The following AHCYL2 variants were observed in gnomAD, a reference collection of about 807,000 sequenced individuals.
AHCYL2 encodes the protein adenosylhomocysteinase like 2.
In AHCYL2, 28 loss-of-function variants were observed where a neutral mutation model predicts 81.4. That is an observed-to-expected ratio of 0.34 (90% CI 0.25 to 0.47). The LOEUF (loss-of-function observed/expected upper bound fraction) is 0.47, where lower values mean the gene tolerates loss of function less well. Among genes scored for constraint, AHCYL2 ranks in the 20% least tolerant of loss-of-function variants. The probability of loss-of-function intolerance (pLI) is 1.00; values close to 1 mark genes in which losing one functional copy is unlikely to be tolerated. For missense variants in AHCYL2, 551 were observed against 785.1 expected, an observed-to-expected ratio of 0.70 and a Z score of 3.56; for synonymous variants, 272 against 290.2, an observed-to-expected ratio of 0.94 and a Z score of 0.64.
chr7:129,231,259 C>A lies in AHCYL2; in HGVS notation c.363+5820C>A, dbSNP rs143981506. ...GTCTCAAAAAAAAGAAAAAAAAAAG[C>A]TGCTTTAGGAGCTGAAGTTGCAGTT... On this transcript the variant is annotated intron_variant, in intron 1 of 16. Coordinates refer to ENST00000325006, the MANE Select transcript of AHCYL2 (RefSeq NM_015328.4). Among the ~76,000 whole-genome samples, 349 of 152,006 alleles carry A rather than the reference C, an allele frequency of 2.3e-3. 3 individuals carry two copies. Among genetic ancestry groups the A allele is most frequent in the African/African-American group, 8.2e-3 (339 of 41,500 alleles).
intron 1 of AHCYL2, among the ~76,000 whole-genome samples, chr7:129,284,442 T>TA (rs1418855557): frequency 2.0e-5 from 3 of 151,702 alleles, no homozygotes; most frequent in Middle Eastern, 3.2e-3. Flanking sequence ...CTAATAAAAA[T>TA]AAAAAAATTA....
intron 1 of AHCYL2, among the ~76,000 whole-genome samples, chr7:129,331,452 G>A (rs193179016): frequency 7.9e-5 from 12 of 152,256 alleles, no homozygotes; most frequent in African/African-American, 2.4e-4. Flanking sequence ...TTTATTCAGT[G>A]GACTACTAGC....
rs1563235414 is a variant in AHCYL2 at position 129,400,350 on chromosome 7, G to A, written c.884G>A (p.Arg295Lys). 1 of 1,613,518 alleles carries A rather than the reference G, an allele frequency of 6.2e-7. No individual in the cohort carries two copies. Among genetic ancestry groups the A allele is most frequent in the Non-Finnish European group, 8.5e-7 (1 of 1,179,620 alleles). ...GATGACTTTTGGTGGTGTATCGATA[G>A]ATGTGTGAATGTGGAGGGCTGGCAG... is the stretch of plus-strand genomic sequence containing the variant. ...SEDDFWWCID[R>K]CVNVEGWQPN... The change falls in exon 6 of 17, where the codon AGA becomes AAA. Residue 295 changes from arginine (R) to lysine (K), a missense_variant. Physicochemically the swap from Arg to Lys is conservative, Grantham distance 26. Around this residue, in one of 2 missense-constraint regions of AHCYL2, gnomAD observed 316 missense variants for 543.1 expected, o/e 0.58. Coordinates refer to ENST00000325006, the MANE Select transcript of AHCYL2 (RefSeq NM_015328.4).
chr7:129,417,795 C>G (rs532226898), intron 12 of AHCYL2, among the ~76,000 whole-genome samples: 2 of 152,308 alleles, frequency 1.3e-5, no homozygotes, highest in African/African-American at 4.8e-5. Context: ...AATACCTGCT[C>G]TGTGCCAGAT....
Position 129,225,321 on chromosome 7 carries a change from A to C in AHCYL2, c.245A>C (p.Gln82Pro), listed in dbSNP as rs1383902284. Residue 82 changes from glutamine to proline, a missense_variant, in exon 1 of 17, where the codon CAG (glutamine) becomes CCG (proline). Physicochemically the swap from Gln to Pro is moderately conservative, Grantham distance 76 (BLOSUM62 -1). This residue lies in a region of AHCYL2 where 235 missense variants were observed against 242.1 expected (regional missense o/e 0.97). Transcript: ENST00000325006. ...AGCCCCGCCGCCGGGAAGGTGCCTC[A>C]GGCGTCGGCCATGAAGCGGAGCGAC... ...ALSPAAGKVP[Q>P]ASAMKRSDPH... 2 of 1,489,356 alleles carry C rather than the reference A, an allele frequency of 1.3e-6. No homozygotes were observed. The highest frequency in any genetic ancestry group is 5.8e-5 in the East Asian group (2 of 34,668). The allele number at this position is 1,489,356 out of a possible 1,614,324, so 92.3% of individuals were successfully genotyped here.
At chr7:129,377,499 T>G in intron 1 of AHCYL2, 1 of 455,952 alleles carries the variant, frequency 2.2e-6, no homozygotes, top group Non-Finnish European at 4.4e-6. Context: ...ATTGGTCCCT[T>G]GTCGCAATAC....
chr7:129,326,728 G>A (rs1339729164), intron 1 of AHCYL2, among the ~76,000 whole-genome samples: 1 of 152,026 alleles, frequency 6.6e-6, no homozygotes, highest in Non-Finnish European at 1.5e-5. Flanking sequence ...ATTACAAGCA[G>A]AATGAACTGC....
chr7:129,416,879 A>G (rs1796881197), intron 12 of AHCYL2, among the ~76,000 whole-genome samples: 4 of 152,160 alleles, frequency 2.6e-5, no homozygotes, highest in Admixed American at 2.6e-4. Context: ...GCACTTTGGG[A>G]GACCAAGGCA....
In AHCYL2 at chr7:129,368,017, A is replaced by G; in HGVS notation, c.364-11621A>G. ...ATCCAAATCAAGCAACTCTTGAGAA[A>G]TGGGAGTGCCTTCCTGACCTCAGTC... On this transcript the variant is annotated intron_variant, in intron 1 of 16. Coordinates refer to ENST00000325006, the MANE Select transcript of AHCYL2 (RefSeq NM_015328.4). The surrounding 1 kb of genome is among the most constrained non-coding windows in gnomAD (Gnocchi z 4.4). 2 of 775,210 alleles carry G rather than the reference A, an allele frequency of 2.6e-6. No homozygotes were observed. Among genetic ancestry groups the G allele is most frequent in the Non-Finnish European group, 3.1e-6 (2 of 637,656 alleles). 48.0% of individuals were successfully genotyped at this position (775,210 alleles called of 1,614,324 possible).
intron 1 of AHCYL2, among the ~76,000 whole-genome samples, chr7:129,230,450 C>T (rs975662110): frequency 6.6e-6 from 1 of 151,858 alleles, no homozygotes; most frequent in Non-Finnish European, 1.5e-5. Flanking sequence ...AACTGAGTGT[C>T]GAAGAGATTA....
chr7:129,328,488 T>G (rs1798305932), intron 1 of AHCYL2, among the ~76,000 whole-genome samples: 1 of 151,234 alleles, frequency 6.6e-6, no homozygotes, highest in African/African-American at 2.4e-5. Flanking sequence ...TGTTGTTGTT[T>G]TTTGTTTTTT....
At chr7:129,232,993 T>G (rs1165369357) in intron 1 of AHCYL2, among the ~76,000 whole-genome samples, 1 of 152,230 alleles carries the variant, frequency 6.6e-6, no homozygotes, top group African/African-American at 2.4e-5. Context: ...AACCTAACCA[T>G]CTACCTTCTT....
At position 129,231,949 on chromosome 7, in the gene AHCYL2, T is replaced by C. The variant is rs555649474; in HGVS notation, c.363+6510T>C. 1.2e-3 allele frequency among the ~76,000 whole-genome samples: 176 copies of C among 152,274 alleles called. 1 individual carries two copies. The highest frequency in any genetic ancestry group is 3.9e-3 in the African/African-American group (162 of 41,550). ...GGTGATTTTATTTTCTTTTTTTTTT[T>C]CAAGGGTCTATCAGTAGAAATCTAT... On this transcript the variant is annotated intron_variant, in intron 1 of 16. Coordinates refer to ENST00000325006, the MANE Select transcript of AHCYL2 (RefSeq NM_015328.4).
intron 1 of AHCYL2, among the ~76,000 whole-genome samples, chr7:129,340,043 C>T (rs1399195957): frequency 2.0e-5 from 3 of 150,926 alleles, no homozygotes; most frequent in Non-Finnish European, 4.4e-5. Context: ...CTCAGCCTCC[C>T]TAGCAGCTGG....
chr7:129,280,909 G>A (rs1285658492), intron 1 of AHCYL2, among the ~76,000 whole-genome samples: 1 of 146,734 alleles, frequency 6.8e-6, no homozygotes, highest in African/African-American at 2.5e-5. Flanking sequence ...CTGTCGCCCA[G>A]GCTGGAGTGC....
chr7:129,295,309 A>G (rs183070083), intron 1 of AHCYL2, among the ~76,000 whole-genome samples: 67 of 152,350 alleles, frequency 4.4e-4, no homozygotes, highest in African/African-American at 1.5e-3. Flanking sequence ...CTCTATGATT[A>G]AGGTTTTCTG....
chr7:129,312,289 T>C (rs1328734407), intron 1 of AHCYL2, among the ~76,000 whole-genome samples: 1 of 152,254 alleles, frequency 6.6e-6, no homozygotes, highest in African/African-American at 2.4e-5. Flanking sequence ...TCTCCCTGTG[T>C]TGCCCAGGCT....
intron 1 of AHCYL2, among the ~76,000 whole-genome samples, chr7:129,319,985 T>C (rs1797959032): frequency 6.6e-6 from 1 of 152,174 alleles, no homozygotes. Flanking sequence ...TATTAAAAAC[T>C]GCAAACTGGT....
intron 11 of AHCYL2, chr7:129,410,062 T>C: frequency 8.4e-7 from 1 of 1,190,768 alleles, no homozygotes; most frequent in Non-Finnish European, 1.2e-6. Flanking sequence ...TTTGTACTTC[T>C]GCCATCATTT....
Sources: allele counts gnomAD v4.1 joint callset (sites outside exome capture counted in the v4.1 genomes callset), GRCh38; gene constraint gnomAD v4.1.1; regional missense constraint gnomAD v4.1.1; non-coding constraint Gnocchi (gnomAD v3.1); transcripts MANE v1.5; gene names NCBI Gene and HGNC (gene_info 2026-07-23, HGNC 2026-07-21).